SLC35F1: variants seen among roughly 807,000 people sequenced by gnomAD.
SLC35F1 encodes the protein solute carrier family 35 member F1, also known as chromosome 6 open reading frame 169.
SLC35F1 carries 14 observed loss-of-function variants against 48.7 expected under a neutral mutation model. The observed-to-expected ratio is 0.29, with a 90% CI of 0.19 to 0.45. The LOEUF (loss-of-function observed/expected upper bound fraction) is 0.45. Ranked by LOEUF, SLC35F1 falls within the 20% of genes least tolerant of loss-of-function variation. The pLI is 1.00. For missense variants in SLC35F1, 404 were observed against 500.0 expected (o/e 0.81, Z 1.83); for synonymous variants, 190 against 202.2 (o/e 0.94, Z 0.51).
intron 3 of SLC35F1, among the ~76,000 whole-genome samples, chr6:118,264,706 A>C (rs1215109479): frequency 6.6e-6 from 1 of 152,220 alleles, no homozygotes; most frequent in African/African-American, 2.4e-5. Context: ...TGAAACCCTA[A>C]TTCTGTAGTG....
chr6:118,091,702 C>A (rs892395707), intron 1 of SLC35F1, among the ~76,000 whole-genome samples: 1 of 152,182 alleles, frequency 6.6e-6, no homozygotes, highest in African/African-American at 2.4e-5. Flanking sequence ...AACTTTGTAA[C>A]AGGCAAAGGT....
chr6:118,049,595 C>G (rs548257370), intron 1 of SLC35F1, among the ~76,000 whole-genome samples: 8,309 of 150,902 alleles, frequency 0.055, 792 homozygotes, highest in African/African-American at 0.19. Context: ...ATTTATGCAG[C>G]CAAAAAACAC....
intron 1 of SLC35F1, among the ~76,000 whole-genome samples, chr6:118,133,356 A>C (rs1451138118): frequency 5.3e-5 from 8 of 152,162 alleles, no homozygotes; most frequent in Non-Finnish European, 1.2e-4. Context: ...GCTTTTTCAA[A>C]ATTAAGTGGC....
chr6:118,081,394 G>A (rs1315383221), intron 1 of SLC35F1, among the ~76,000 whole-genome samples: 1 of 152,082 alleles, frequency 6.6e-6, no homozygotes, highest in Non-Finnish European at 1.5e-5. Context: ...ACTGTGGGAG[G>A]CTGAGATGGG....
intron 1 of SLC35F1, among the ~76,000 whole-genome samples, chr6:118,113,508 T>C (rs2114387789): frequency 6.6e-6 from 1 of 152,274 alleles, no homozygotes; most frequent in Admixed American, 6.5e-5. Context: ...AATTGAGATA[T>C]TTCTGTACTT....
intron 7 of SLC35F1, among the ~76,000 whole-genome samples, chr6:118,286,805 T>TGTGTGTGTGTTTG (rs1562351393): frequency 7.6e-5 from 11 of 144,102 alleles, no homozygotes; most frequent in African/African-American, 2.9e-4. Context: ...GTGTGTGTGT[T>TGTGTGTGTGTTTG]TGTGTGTGTG....
At chr6:118,313,490 C>T (rs2114674169) in intron 7 of SLC35F1, among the ~76,000 whole-genome samples, 1 of 152,306 alleles carries the variant, frequency 6.6e-6, no homozygotes, top group Non-Finnish European at 1.5e-5. Flanking sequence ...CAAGGATAAT[C>T]TAATCTTGCA....
intron 1 of SLC35F1, among the ~76,000 whole-genome samples, chr6:117,933,091 G>T (rs1582571094): frequency 6.6e-6 from 1 of 152,264 alleles, no homozygotes; most frequent in African/African-American, 2.4e-5. Context: ...AAATAAATAT[G>T]ATGTATATTG....
chr6:118,300,033 T>G (rs1274603486), intron 7 of SLC35F1, among the ~76,000 whole-genome samples: 1 of 152,220 alleles, frequency 6.6e-6, no homozygotes, highest in East Asian at 1.9e-4. Context: ...AATAATGCTG[T>G]TATTAAGGCT....
chr6:118,271,724 AG>A (rs1286226486), intron 4 of SLC35F1, among the ~76,000 whole-genome samples: 1 of 152,228 alleles, frequency 6.6e-6, no homozygotes, highest in Non-Finnish European at 1.5e-5. Context: ...GGATAAGGAA[AG>A]CCAGTTTTTG....
intron 1 of SLC35F1, among the ~76,000 whole-genome samples, chr6:118,133,285 A>G (rs1297113120): frequency 6.6e-6 from 1 of 152,170 alleles, no homozygotes; most frequent in Non-Finnish European, 1.5e-5. Context: ...AATGAAACCC[A>G]GGTGCAAATG....
chr6:118,242,772 T>C (rs893974220), intron 3 of SLC35F1, among the ~76,000 whole-genome samples: 3 of 152,240 alleles, frequency 2.0e-5, no homozygotes, highest in Non-Finnish European at 4.4e-5. Context: ...CTAGTGTTTC[T>C]GTGAAATAAG....
chr6:118,164,152 TA>T (rs760631064), intron 2 of SLC35F1, among the ~76,000 whole-genome samples: 3 of 152,232 alleles, frequency 2.0e-5, no homozygotes, highest in African/African-American at 7.2e-5. Flanking sequence ...TGATACTTGT[TA>T]GGACTTTTTA....
chr6:117,960,783 C>T (rs765383116), intron 1 of SLC35F1, among the ~76,000 whole-genome samples: 14 of 152,192 alleles, frequency 9.2e-5, no homozygotes, highest in Non-Finnish European at 1.8e-4. Context: ...ACCAGAGAAA[C>T]AGGGAGAGAA....
chr6:118,012,341 GA>G (rs1777260911), intron 1 of SLC35F1, among the ~76,000 whole-genome samples: 1 of 142,456 alleles, frequency 7.0e-6, no homozygotes, highest in Non-Finnish European at 1.5e-5. Context: ...AAAAAAAAAA[GA>G]AAAACTAAAT....
At chr6:118,220,257 G>A (rs1040566382) in intron 2 of SLC35F1, among the ~76,000 whole-genome samples, 2 of 152,028 alleles carry the variant, frequency 1.3e-5, no homozygotes, top group Admixed American at 6.6e-5. Context: ...AGAGAACAAT[G>A]CATAAGGACT....
chr6:118,061,344 A>G (rs750935243), intron 1 of SLC35F1, among the ~76,000 whole-genome samples: 5 of 152,190 alleles, frequency 3.3e-5, no homozygotes, highest in African/African-American at 9.7e-5. Context: ...GAGGAAATAG[A>G]TGGTACAACC....
intron 2 of SLC35F1, among the ~76,000 whole-genome samples, chr6:118,162,425 A>G (rs2114481871): frequency 6.6e-6 from 1 of 152,228 alleles, no homozygotes; most frequent in South Asian, 2.1e-4. Flanking sequence ...GAGGATGGAA[A>G]TGTTCTGTGT....
At chr6:118,234,553 T>C (rs1775337396) in intron 2 of SLC35F1, among the ~76,000 whole-genome samples, 1 of 152,172 alleles carries the variant, frequency 6.6e-6, no homozygotes, top group Non-Finnish European at 1.5e-5. Context: ...TGCAACTTAC[T>C]AGGAGAACTT....
Sources: gnomAD v4.1 joint callset for allele counts (sites outside exome capture counted in the v4.1 genomes callset) on GRCh38, gnomAD v4.1.1 for gene constraint, MANE v1.5 for transcripts, NCBI Gene and HGNC (gene_info 2026-07-23, HGNC 2026-07-21) for gene names.